The following GGTA1 variants were observed in gnomAD, a reference collection of about 807,000 sequenced individuals.
The protein encoded by GGTA1 is glycoprotein alpha-galactosyltransferase 1 (inactive).
Under a neutral mutation model 2.6 loss-of-function variants are expected in GGTA1, and 5 were observed. The observed-to-expected ratio is 1.92, with a 90% CI of 1.00 to 4.04. GGTA1 has a LOEUF of 4.04. Ranked by LOEUF, GGTA1 falls within the 30% of genes most tolerant of loss-of-function variation. The pLI is 0.00. For missense variants in GGTA1, 50 were observed against 16.7 expected (o/e 2.99, Z -3.47); for synonymous variants, 17 against 5.0 (o/e 3.38, Z -3.19).
At chr9:121,475,302 G>A (rs1589333678) in intron 1 of GGTA1, among the ~76,000 whole-genome samples, 1 of 152,088 alleles carries the variant, frequency 6.6e-6, no homozygotes, top group South Asian at 2.1e-4. Flanking sequence ...GTCTAAAAAG[G>A]GGAGCCATGA....
chr9:121,466,137 C>T (rs1458987610), intron 2 of GGTA1, among the ~76,000 whole-genome samples: 1 of 152,134 alleles, frequency 6.6e-6, no homozygotes, highest in African/African-American at 2.4e-5. Context: ...CAGGGCTGGT[C>T]TTGAACTCCT....
intron 1 of GGTA1, among the ~76,000 whole-genome samples, chr9:121,494,251 A>G (rs963984488): frequency 7.2e-5 from 11 of 152,188 alleles, no homozygotes; most frequent in African/African-American, 2.7e-4. Context: ...CAAAATTTGA[A>G]CAGAAGGCAA....
intron 1 of GGTA1, among the ~76,000 whole-genome samples, chr9:121,482,629 C>T (rs1379292582): frequency 1.3e-5 from 2 of 152,050 alleles, no homozygotes; most frequent in Non-Finnish European, 2.9e-5. Context: ...ATTAGCAGGG[C>T]ATGGTAGTGG....
intron 5 of GGTA1, among the ~76,000 whole-genome samples, chr9:121,459,288 C>A (rs2064939852): frequency 6.6e-6 from 1 of 152,084 alleles, no homozygotes; most frequent in Admixed American, 6.6e-5. Context: ...AAGACCCTGT[C>A]TCTACAAAAG....
At chr9:121,485,313 G>A (rs1828736480) in intron 1 of GGTA1, among the ~76,000 whole-genome samples, 1 of 152,192 alleles carries the variant, frequency 6.6e-6, no homozygotes, top group African/African-American at 2.4e-5. Flanking sequence ...GGAAAACCGT[G>A]AGGAGCTGGG....
chr9:121,453,337 A>T (rs1357949116), downstream of GGTA1, among the ~76,000 whole-genome samples: 10 of 152,332 alleles, frequency 6.6e-5, no homozygotes, highest in South Asian at 1.9e-3. Flanking sequence ...GTGCTCAGAG[A>T]GCTGGAATGG....
At chr9:121,480,766 C>A (rs989105119) in intron 1 of GGTA1, among the ~76,000 whole-genome samples, 2 of 152,154 alleles carry the variant, frequency 1.3e-5, no homozygotes, top group African/African-American at 4.8e-5. Flanking sequence ...CTATTTAAGC[C>A]AAACAGATGC....
At chr9:121,448,964 G>A (rs868210346) in intron 7 of GGTA1, among the ~76,000 whole-genome samples, 21 of 152,300 alleles carry the variant, frequency 1.4e-4, no homozygotes, top group Admixed American at 5.2e-4. Context: ...TCTGAGCTTT[G>A]CTCATTAATC....
intron 7 of GGTA1, among the ~76,000 whole-genome samples, chr9:121,449,564 G>A (rs753056028): frequency 1.2e-4 from 18 of 152,062 alleles, no homozygotes; most frequent in Non-Finnish European, 2.2e-4. Context: ...TCCCATTGCC[G>A]GGCACGGTGG....
chr9:121,457,223 A>C (rs534565690), intron 5 of GGTA1, among the ~76,000 whole-genome samples: 33 of 152,324 alleles, frequency 2.2e-4, no homozygotes, highest in Non-Finnish European at 3.8e-4. Context: ...AATGAGGAGA[A>C]CAAGGGTGGG....
chr9:121,494,632 T>C (rs1034962448), intron 1 of GGTA1: 1 of 152,224 alleles, frequency 6.6e-6, no homozygotes, highest in Non-Finnish European at 1.5e-5. Context: ...AGATCAGGTG[T>C]CTGCACTAAG....
chr9:121,490,389 C>T (rs939299642), intron 1 of GGTA1, among the ~76,000 whole-genome samples: 5 of 152,334 alleles, frequency 3.3e-5, no homozygotes, highest in African/African-American at 1.2e-4. Flanking sequence ...GAAACCTCCC[C>T]AGAAGGCTTT....
chr9:121,491,891 G>A (rs540866804), intron 1 of GGTA1, among the ~76,000 whole-genome samples: 1 of 152,264 alleles, frequency 6.6e-6, no homozygotes, highest in African/African-American at 2.4e-5. Flanking sequence ...ACAAGTGTGA[G>A]CCACCATGCT....
At chr9:121,481,249 ACAATGGGAT>A (rs1828642260) in intron 1 of GGTA1, among the ~76,000 whole-genome samples, 1 of 152,088 alleles carries the variant, frequency 6.6e-6, no homozygotes, top group African/African-American at 2.4e-5. Context: ...ACCTAGTCCC[ACAATGGGAT>A]TCTACCTAGA....
At chr9:121,457,254 C>T (rs1351218891) in intron 5 of GGTA1, among the ~76,000 whole-genome samples, 1 of 152,170 alleles carries the variant, frequency 6.6e-6, no homozygotes, top group East Asian at 1.9e-4. Context: ...GAAATCCATT[C>T]TGGCCATGTG....
intron 1 of GGTA1, among the ~76,000 whole-genome samples, chr9:121,488,985 C>G (rs959580082): frequency 4.6e-5 from 7 of 152,258 alleles, no homozygotes; most frequent in Middle Eastern, 3.4e-3. Context: ...GGGATGACCT[C>G]TTTGTGCTGA....
In GGTA1 at chr9:121,474,014, GAAAGAAAGA is replaced by G. The variant is rs950298922; in HGVS notation, c.-9-6092_-9-6084del. 1.3e-3 allele frequency among the ~76,000 whole-genome samples: 193 copies of G among 150,504 alleles called. 1 individual carries two copies. The highest frequency in any genetic ancestry group is 4.4e-3 in the African/African-American group (178 of 40,892). On this transcript the variant is annotated intron_variant, in intron 1 of 5. Coordinates refer to ENST00000481799, the MANE Select transcript of GGTA1 (RefSeq NM_001382585.1). The stretch of plus-strand genomic sequence containing the variant: ...GAAAAGAAAGAAAGAAAGAAACAAG[GAAAGAAAGA>G]AAAGAAAGGAAAGAAAGAAAGAAAA...
chr9:121,459,547 G>A (rs1191571040), intron 5 of GGTA1, among the ~76,000 whole-genome samples: 1 of 152,148 alleles, frequency 6.6e-6, no homozygotes, highest in African/African-American at 2.4e-5. Context: ...CTAAGCTCAG[G>A]AGCACCCTGT....
At chr9:121,485,418 C>T (rs1311577805) in intron 1 of GGTA1, among the ~76,000 whole-genome samples, 1 of 152,070 alleles carries the variant, frequency 6.6e-6, no homozygotes, top group East Asian at 1.9e-4. Flanking sequence ...AACTAGTGAA[C>T]GAACAGGATT....
Sources: gnomAD v4.1 joint callset for allele counts (sites outside exome capture counted in the v4.1 genomes callset) on GRCh38, gnomAD v4.1.1 for gene constraint, MANE v1.5 for transcripts, NCBI Gene and HGNC (gene_info 2026-07-23, HGNC 2026-07-21) for gene names.